Variants in AOPEP observed in about 807,000 individuals in gnomAD.
AOPEP encodes the protein aminopeptidase O (putative).
A neutral mutation model predicts 98.1 loss-of-function variants in AOPEP; 77 were observed. The ratio of observed to expected loss-of-function variants is 0.78; its 90% CI spans 0.65 to 0.95. The LOEUF (loss-of-function observed/expected upper bound fraction) is 0.95. AOPEP is among the 40% of genes least tolerant of loss of function. AOPEP has a pLI of 0.00. For missense variants in AOPEP, 1,024 were observed against 1,024.7 expected (o/e 1.00, Z 0.01); for synonymous variants, 346 against 365.3 (o/e 0.95, Z 0.60).
chr9:95,148,481 T>C, the AOPEP span, among the ~76,000 whole-genome samples: 2 of 152,244 alleles, frequency 1.3e-5, no homozygotes, highest in Non-Finnish European at 2.9e-5. Flanking sequence ...TGACAGTGTT[T>C]GTAGCCCATG....
At chr9:94,889,985 C>G (rs368523333) in intron 5 of AOPEP, among the ~76,000 whole-genome samples, 1 of 150,246 alleles carries the variant, frequency 6.7e-6, no homozygotes, top group Non-Finnish European at 1.5e-5. Context: ...TTTGAAGTAT[C>G]TGTGCATATC....
intron 13 of AOPEP, among the ~76,000 whole-genome samples, chr9:95,016,244 G>GTT (rs1434155061): frequency 9.9e-6 from 1 of 101,364 alleles, no homozygotes; most frequent in African/African-American, 3.2e-5. Flanking sequence ...CTTCTCTTGT[G>GTT]ATTTTTTTTT....
intron 14 of AOPEP, among the ~76,000 whole-genome samples, chr9:95,067,100 C>T (rs1398230863): frequency 6.6e-6 from 1 of 151,314 alleles, no homozygotes; most frequent in East Asian, 2.3e-4. Flanking sequence ...GCTTTTCTGC[C>T]TTCTGGTGGC....
At chr9:94,786,753 C>T (rs986716475) in intron 3 of AOPEP, among the ~76,000 whole-genome samples, 2 of 152,166 alleles carry the variant, frequency 1.3e-5, no homozygotes, top group Non-Finnish European at 2.9e-5. Context: ...AGCGCTGGCT[C>T]CAGCATTCAA....
At chr9:94,798,538 G>A (rs1466268779) in intron 4 of AOPEP, among the ~76,000 whole-genome samples, 1 of 152,126 alleles carries the variant, frequency 6.6e-6, no homozygotes, top group East Asian at 1.9e-4. Context: ...TTGGCAGCAG[G>A]AAATAATCTT....
At chr9:94,976,351 G>A (rs989336081) in intron 10 of AOPEP, among the ~76,000 whole-genome samples, 27 of 152,204 alleles carry the variant, frequency 1.8e-4, no homozygotes, top group Admixed American at 1.1e-3. Flanking sequence ...CCCTAGAGAA[G>A]CATCTGTAAG....
intron 11 of AOPEP, among the ~76,000 whole-genome samples, chr9:94,998,224 C>T (rs1013263056): frequency 1.3e-5 from 2 of 151,128 alleles, no homozygotes; most frequent in Non-Finnish European, 2.9e-5. Flanking sequence ...CTAGATGTTC[C>T]GTAAGTACTC....
At chr9:94,985,139 C>T (rs2060437179) in intron 11 of AOPEP, among the ~76,000 whole-genome samples, 1 of 152,190 alleles carries the variant, frequency 6.6e-6, no homozygotes, top group Non-Finnish European at 1.5e-5. Context: ...ATCACAGCAG[C>T]GGCAGTGAGG....
intron 1 of AOPEP, among the ~76,000 whole-genome samples, chr9:94,730,063 T>C (rs946485891): frequency 6.6e-6 from 1 of 152,068 alleles, no homozygotes; most frequent in Admixed American, 6.6e-5. Flanking sequence ...GGTGGGTAGA[T>C]CACGAGGTCA....
the AOPEP span, chr9:95,126,854 C>T: frequency 2.3e-6 from 1 of 438,830 alleles, no homozygotes; most frequent in Non-Finnish European, 4.2e-6. Flanking sequence ...ATCCATAATA[C>T]AGAATCAGTA....
intron 7 of AOPEP, among the ~76,000 whole-genome samples, chr9:94,949,964 A>G (rs1378071573): frequency 3.9e-5 from 6 of 152,212 alleles, no homozygotes. Context: ...TCTGATGATG[A>G]TGAGTCAAGG....
chr9:94,989,038 C>T (rs2060700743), intron 11 of AOPEP, among the ~76,000 whole-genome samples: 3 of 151,528 alleles, frequency 2.0e-5, no homozygotes, highest in Non-Finnish European at 4.4e-5. Flanking sequence ...CGGGGGCAAA[C>T]TCTCAGGTAG....
chr9:95,114,017 T>G, the AOPEP span: 1 of 161,526 alleles, frequency 6.2e-6, no homozygotes, highest in Non-Finnish European at 1.4e-5. Flanking sequence ...AGCGCAGGAA[T>G]TTGAGGCTAC....
rs1348445226 is a variant in AOPEP at position 94,744,154 on chromosome 9, A to G, written c.-135-15495A>G. Among the ~76,000 whole-genome samples the G allele has an allele frequency of 1.3e-5, 2 of 151,990 alleles. 1 individual carries two copies. The highest frequency in any genetic ancestry group is 2.9e-5 in the Non-Finnish European group (2 of 68,002). On this transcript the variant is annotated intron_variant, in intron 1 of 16. Coordinates refer to ENST00000375315, the MANE Select transcript of AOPEP (RefSeq NM_001193329.3). ...TTATGCCTGTAATCCAGACTTTGGG[A>G]GGCTGAGGCGGGCGGATCACGAGGT...
chr9:94,856,454 C>T (rs919684073), intron 5 of AOPEP, among the ~76,000 whole-genome samples: 47 of 151,918 alleles, frequency 3.1e-4, no homozygotes, highest in African/African-American at 1.1e-3. Flanking sequence ...CCAGCCTGAC[C>T]AACATAGAGA....
intron 16 of AOPEP, among the ~76,000 whole-genome samples, chr9:95,083,616 G>A (rs59274098): frequency 0.017 from 2,336 of 139,164 alleles, 59 homozygotes; most frequent in African/African-American, 0.06. Context: ...CACGTAGCGC[G>A]CACACTGCAT....
At chr9:95,032,115 C>T (rs1453882203) in intron 13 of AOPEP, among the ~76,000 whole-genome samples, 1 of 152,204 alleles carries the variant, frequency 6.6e-6, no homozygotes, top group Non-Finnish European at 1.5e-5. Flanking sequence ...GCCCTGAAAC[C>T]CTCCAGCAGG....
chr9:95,010,258 G>A (rs1278620691), intron 13 of AOPEP, among the ~76,000 whole-genome samples: 1 of 152,114 alleles, frequency 6.6e-6, no homozygotes, highest in Non-Finnish European at 1.5e-5. Context: ...TTTGTCTTTT[G>A]TTACAAAGGT....
chr9:94,798,694 CTT>C (rs1188749240), intron 4 of AOPEP, among the ~76,000 whole-genome samples: 1 of 152,144 alleles, frequency 6.6e-6, no homozygotes, highest in Non-Finnish European at 1.5e-5. Context: ...GATCTGAAAG[CTT>C]TGCAATAGAG....
Sources: gnomAD v4.1 joint callset for allele counts (sites outside exome capture counted in the v4.1 genomes callset) on GRCh38, gnomAD v4.1.1 for gene constraint, MANE v1.5 for transcripts, NCBI Gene and HGNC (gene_info 2026-07-23, HGNC 2026-07-21) for gene names.